SPATA31H1: variants seen among roughly 807,000 people sequenced by gnomAD.
SPATA31H1 encodes SPATA31 subfamily H member 1, also known as spermatogenesis-associated protein 31H1.
the SPATA31H1 span, chr2:27,570,043 C>T: frequency 2.5e-6 from 1 of 398,924 alleles, no homozygotes; most frequent in Non-Finnish European, 4.4e-6. Context: ...GTACAGCTGA[C>T]TCCAGAATCA....
chr2:27,538,064 G>A, the SPATA31H1 span, among the ~76,000 whole-genome samples: 1 of 152,136 alleles, frequency 6.6e-6, no homozygotes, highest in Non-Finnish European at 1.5e-5. Flanking sequence ...ATGTGTTTGA[G>A]GAGAGATGTC....
the SPATA31H1 span, chr2:27,574,348 C>T: frequency 5.5e-5 from 22 of 398,398 alleles, no homozygotes; most frequent in African/African-American, 2.7e-4. Context: ...GGTGTGAAAT[C>T]GGTAGAATTC....
chr2:27,580,534 A>G, the SPATA31H1 span: 1 of 1,614,260 alleles, frequency 6.2e-7, no homozygotes, highest in Non-Finnish European at 8.5e-7. Context: ...TTAGCAGCCC[A>G]TTTAAGAAGG....
At chr2:27,570,519 G>T in the SPATA31H1 span, 5 of 398,902 alleles carry the variant, frequency 1.3e-5, no homozygotes, top group Non-Finnish European at 2.2e-5. Context: ...TTCCAAATTA[G>T]CAAAGATATT....
At chr2:27,568,498 C>T in the SPATA31H1 span, 3 of 398,878 alleles carry the variant, frequency 7.5e-6, no homozygotes, top group African/African-American at 6.2e-5. Context: ...CTATTACAAG[C>T]CATGGATTTC....
At chr2:27,569,291 G>A in the SPATA31H1 span, 1 of 398,860 alleles carries the variant, frequency 2.5e-6, no homozygotes, top group Non-Finnish European at 4.4e-6. Context: ...GCAATCTAGG[G>A]CCATGTTCAG....
chr2:27,545,153 G>C, the SPATA31H1 span, among the ~76,000 whole-genome samples: 19 of 151,784 alleles, frequency 1.3e-4, no homozygotes, highest in Admixed American at 1.2e-3. Context: ...CTCCCAAGTA[G>C]CTGGGACTAC....
the SPATA31H1 span, among the ~76,000 whole-genome samples, chr2:27,543,735 C>T: frequency 3.9e-5 from 6 of 151,948 alleles, no homozygotes; most frequent in South Asian, 6.2e-4. Flanking sequence ...CTACCAGTCT[C>T]AGGGGTCTTT....
chr2:27,580,981 C>T, the SPATA31H1 span: 1 of 1,614,186 alleles, frequency 6.2e-7, no homozygotes, highest in Non-Finnish European at 8.5e-7. Flanking sequence ...CAAACTGCCT[C>T]AGTGGGGCAG....
the SPATA31H1 span, among the ~76,000 whole-genome samples, chr2:27,541,199 CAACACA>C: frequency 6.6e-6 from 1 of 151,594 alleles, no homozygotes; most frequent in Non-Finnish European, 1.5e-5. Flanking sequence ...CCAGCCCGGC[CAACACA>C]GCAAAACCCC....
At chr2:27,559,481 G>A in the SPATA31H1 span, among the ~76,000 whole-genome samples, 1 of 152,058 alleles carries the variant, frequency 6.6e-6, no homozygotes, top group Non-Finnish European at 1.5e-5. Flanking sequence ...CCCTTGATAG[G>A]TCTCTAATGA....
the SPATA31H1 span, among the ~76,000 whole-genome samples, chr2:27,560,740 G>A: frequency 6.6e-6 from 1 of 152,160 alleles, no homozygotes. Flanking sequence ...TAACAGGTGT[G>A]AGCCACCGCG....
At chr2:27,567,130 A>G in the SPATA31H1 span, 3 of 686,984 alleles carry the variant, frequency 4.4e-6, no homozygotes, top group Admixed American at 4.8e-5. Context: ...GAACCCCTAA[A>G]TATCTGCAAA....
chr2:27,539,246 G>C, the SPATA31H1 span, among the ~76,000 whole-genome samples: 2 of 149,920 alleles, frequency 1.3e-5, no homozygotes, highest in African/African-American at 2.5e-5. Flanking sequence ...CTAGCCAGAG[G>C]ACCCTGCGGC....
the SPATA31H1 span, chr2:27,579,707 A>G: frequency 6.2e-7 from 1 of 1,614,176 alleles, no homozygotes; most frequent in Non-Finnish European, 8.5e-7. Flanking sequence ...ATCTTGTTCC[A>G]ATGGAAGAAA....
the SPATA31H1 span, among the ~76,000 whole-genome samples, chr2:27,562,473 T>C: frequency 2.0e-5 from 3 of 148,506 alleles, no homozygotes; most frequent in East Asian, 4.0e-4. Context: ...ATCATGCCAC[T>C]GCACTCCAGC....
the SPATA31H1 span, among the ~76,000 whole-genome samples, chr2:27,554,955 TCTA>T: frequency 3.3e-5 from 5 of 152,114 alleles, no homozygotes; most frequent in Admixed American, 1.3e-4. Context: ...AAAGGCCTCA[TCTA>T]CTAATACATT....
chr2:27,569,612 T>G, the SPATA31H1 span: 3 of 398,834 alleles, frequency 7.5e-6, no homozygotes, highest in Non-Finnish European at 8.8e-6. Flanking sequence ...GAGAAAAGTC[T>G]AAGCAGCTGG....
At chr2:27,571,007 C>T in the SPATA31H1 span, 10 of 398,470 alleles carry the variant, frequency 2.5e-5, no homozygotes, top group Admixed American at 4.4e-5. Context: ...AGTTACAAAA[C>T]GTAAATCCTG....
Sources: allele counts gnomAD v4.1 joint callset (sites outside exome capture counted in the v4.1 genomes callset), GRCh38; gene constraint gnomAD v4.1.1; transcripts MANE v1.5; gene names NCBI Gene and HGNC (gene_info 2026-07-23, HGNC 2026-07-21).